Variants in ANO3 observed in about 807,000 individuals in gnomAD.
The protein encoded by ANO3 is anoctamin 3.
In ANO3, 99 loss-of-function variants were observed where a neutral mutation model predicts 144.8. The ratio of observed to expected loss-of-function variants is 0.68; its 90% CI spans 0.58 to 0.81. ANO3 has a LOEUF of 0.81. Ranked by LOEUF, ANO3 falls within the 30% of genes least tolerant of loss-of-function variation. ANO3 has a pLI of 0.00. For missense variants in ANO3, 905 were observed against 1,202.2 expected (o/e 0.75, Z 3.66); for synonymous variants, 414 against 392.6 (o/e 1.05, Z -0.64).
At chr11:26,624,553 T>G in intron 18 of ANO3, 55 bp downstream of exon 18, 1 of 1,263,830 alleles carries the variant, frequency 7.9e-7, no homozygotes, top group African/African-American at 1.5e-5. Context: ...TATGGGCATT[T>G]CAGTCTGTAG....
At chr11:26,461,021 T>G (rs548139744) in intron 3 of ANO3, among the ~76,000 whole-genome samples, 8 of 152,142 alleles carry the variant, frequency 5.3e-5, no homozygotes, top group African/African-American at 1.9e-4. Flanking sequence ...GATTGCTGTT[T>G]AACCAAACCA....
intron 4 of ANO3, among the ~76,000 whole-genome samples, chr11:26,486,273 C>T (rs1001768700): frequency 2.7e-5 from 4 of 147,252 alleles, no homozygotes; most frequent in African/African-American, 1.0e-4. Flanking sequence ...AGGCAGAAGA[C>T]TCACTTGAAC....
chr11:26,653,218 G>A (rs1277741449), intron 24 of ANO3, among the ~76,000 whole-genome samples: 1 of 152,004 alleles, frequency 6.6e-6, no homozygotes, highest in African/African-American at 2.4e-5. Flanking sequence ...TCTAAAACTT[G>A]CCATGCCCAA....
At chr11:26,535,237 T>C (rs10767551) in intron 9 of ANO3, among the ~76,000 whole-genome samples, 107,635 of 152,104 alleles carry the variant, frequency 0.71, 38,433 homozygotes, top group East Asian at 0.84. Context: ...GAAATAATAG[T>C]TAATTTTAAT....
At chr11:26,556,742 A>G (rs1850093765) in intron 13 of ANO3, among the ~76,000 whole-genome samples, 1 of 152,168 alleles carries the variant, frequency 6.6e-6, no homozygotes, top group African/African-American at 2.4e-5. Context: ...TACCCTGCCC[A>G]AGAGGTAAGG....
chr11:26,648,022 G>A (rs541290232), intron 24 of ANO3, among the ~76,000 whole-genome samples, 166 bp downstream of exon 24: 2 of 152,208 alleles, frequency 1.3e-5, no homozygotes, highest in South Asian at 4.1e-4. Flanking sequence ...GGACAACAGT[G>A]TTATTATAGC....
At chr11:26,496,974 G>GTATATATATATATATATATA (rs71047855) in intron 4 of ANO3, among the ~76,000 whole-genome samples, 9 of 136,510 alleles carry the variant, frequency 6.6e-5, no homozygotes, top group African/African-American at 2.5e-4. Context: ...AATGTTGTGT[G>GTATATATATATATATATATA]TATATATATA....
At chr11:26,469,348 G>A (rs1028564593) in intron 4 of ANO3, among the ~76,000 whole-genome samples, 1 of 151,864 alleles carries the variant, frequency 6.6e-6, no homozygotes, top group Non-Finnish European at 1.5e-5. Flanking sequence ...GCGCATGTGA[G>A]GGAGTGGTGT....
At chr11:26,519,669 G>A in intron 6 of ANO3, among the ~76,000 whole-genome samples, 1 of 152,076 alleles carries the variant, frequency 6.6e-6, no homozygotes, top group Admixed American at 6.6e-5. Context: ...CAATTCATGA[G>A]GATTCCACTC....
chr11:26,533,671 G>A (rs764229745), intron 8 of ANO3, among the ~76,000 whole-genome samples: 28 of 152,274 alleles, frequency 1.8e-4, no homozygotes, highest in Non-Finnish European at 3.2e-4. Flanking sequence ...CATAATCTAG[G>A]CAAGAGGCAA....
At chr11:26,397,356 T>C (rs1857042553) in intron 1 of ANO3, among the ~76,000 whole-genome samples, 1 of 152,116 alleles carries the variant, frequency 6.6e-6, no homozygotes, top group Non-Finnish European at 1.5e-5. Context: ...GGTATTATAA[T>C]GTTTTATTTT....
chr11:26,543,166 G>A (rs1849688967), intron 11 of ANO3, among the ~76,000 whole-genome samples: 1 of 152,040 alleles, frequency 6.6e-6, no homozygotes, highest in African/African-American at 2.4e-5. Flanking sequence ...TAAAAAGGAT[G>A]GGTCATCTGA....
intron 14 of ANO3, among the ~76,000 whole-genome samples, chr11:26,583,944 C>T (rs1420420496): frequency 2.6e-5 from 4 of 152,096 alleles, no homozygotes; most frequent in East Asian, 3.8e-4. Context: ...CTTTTTTCTC[C>T]GTATTCAGAC....
At chr11:26,192,366 A>G (rs1316747357) in intron 1 of ANO3, among the ~76,000 whole-genome samples, 1 of 152,210 alleles carries the variant, frequency 6.6e-6, no homozygotes, top group East Asian at 1.9e-4. Context: ...GCCAAAGTAG[A>G]AGAGAGGTCT....
At chr11:26,267,537 A>G (rs1378180807) in intron 1 of ANO3, among the ~76,000 whole-genome samples, 3 of 152,192 alleles carry the variant, frequency 2.0e-5, no homozygotes, top group Non-Finnish European at 4.4e-5. Context: ...AACTGCAAAA[A>G]TTCCTTTGCT....
At chr11:26,196,179 T>C (rs973486666) in intron 1 of ANO3, among the ~76,000 whole-genome samples, 10 of 152,166 alleles carry the variant, frequency 6.6e-5, no homozygotes, top group Non-Finnish European at 1.2e-4. Flanking sequence ...ACCAAACAAA[T>C]GCTCTCGAGA....
At chr11:26,402,902 C>T (rs1857185361) in intron 1 of ANO3, among the ~76,000 whole-genome samples, 1 of 151,896 alleles carries the variant, frequency 6.6e-6, no homozygotes, top group Non-Finnish European at 1.5e-5. Context: ...TCTTGCAACT[C>T]TTAATTAGGG....
chr11:26,508,269 G>A lies in ANO3; in HGVS notation c.591+7G>A, dbSNP rs1205010988. On this transcript the variant is annotated splice_region_variant and intron_variant, in intron 5 of 26. Transcript: ENST00000256737. ...CTTGATGTTGGAGAAGGAGGTAGGT[G>A]CTTTACTATTATTAGTTATGTGATA... is the stretch of plus-strand genomic sequence containing the variant. The A allele has an allele frequency of 2.5e-6, 4 of 1,577,526 alleles. No homozygotes were observed. The highest frequency in any genetic ancestry group is 4.0e-5 in the Admixed American group (2 of 49,616).
chr11:26,616,437 T>C (rs967117133), intron 17 of ANO3, among the ~76,000 whole-genome samples: 11 of 36,000 alleles, frequency 3.1e-4, no homozygotes, highest in African/African-American at 1.1e-3. Flanking sequence ...GCGTTTCTGG[T>C]TTTTTTTTTT....
Sources: allele counts gnomAD v4.1 joint callset (sites outside exome capture counted in the v4.1 genomes callset), GRCh38; gene constraint gnomAD v4.1.1; transcripts MANE v1.5; gene names NCBI Gene and HGNC (gene_info 2026-07-23, HGNC 2026-07-21).